The following CEP85L variants were observed in gnomAD, a reference collection of about 807,000 sequenced individuals.
CEP85L encodes centrosomal protein 85L.
CEP85L carries 60 observed loss-of-function variants against 100.3 expected under a neutral mutation model. That is an observed-to-expected ratio of 0.60 (90% confidence interval 0.49 to 0.74). The LOEUF is 0.74. CEP85L is among the 30% of genes least tolerant of loss of function. CEP85L has a pLI of 0.00. For synonymous variants in CEP85L, 319 were observed against 322.7 expected, an observed-to-expected ratio of 0.99 and a Z score of 0.12; for missense variants, 973 against 936.2, an observed-to-expected ratio of 1.04 and a Z score of -0.51.
intron 12 of CEP85L, 36 bp downstream of exon 12, chr6:118,469,036 T>A (rs767819980): frequency 6.9e-7 from 1 of 1,447,124 alleles, no homozygotes; most frequent in East Asian, 2.3e-5. Context: ...AGGTTTCTAA[T>A]TGCCACAAAA....
chr6:118,628,870 GCAA>G (rs1773970829), intron 2 of CEP85L, among the ~76,000 whole-genome samples: 1 of 152,122 alleles, frequency 6.6e-6, no homozygotes, highest in Non-Finnish European at 1.5e-5. Context: ...ATCCGTGAAA[GCAA>G]CAACTGATAA....
At chr6:118,491,129 T>C (rs1362649269) in intron 6 of CEP85L, among the ~76,000 whole-genome samples, 1 of 151,786 alleles carries the variant, frequency 6.6e-6, no homozygotes, top group Non-Finnish European at 1.5e-5. Context: ...TTTCCATAGT[T>C]GTTGTACTCG....
Position 118,565,735 on chromosome 6 carries a change from A to C in CEP85L, c.814T>G (p.Phe272Val). 1 of 1,614,158 alleles carries C rather than the reference A, an allele frequency of 6.2e-7. No homozygotes were observed. Among genetic ancestry groups the C allele is most frequent in the Non-Finnish European group, 8.5e-7 (1 of 1,180,028 alleles). ...AGCATTAAATATTTTGGAGGTTCAA[A>C]AGCCTCTGAGCTTGTCATAATGGGC... is the stretch of plus-strand genomic sequence containing the variant. ...SKPIMTSSEA[F>V]EPPKYLMLGQ... Residue 272 changes from phenylalanine (F) to valine (V), a missense_variant, in exon 3 of 13, where the codon TTT becomes GTT. Around this residue, in one of 3 missense-constraint regions of CEP85L, gnomAD observed 890 missense variants for 844.5 expected, o/e 1.05. Coordinates refer to ENST00000368491, the MANE Select transcript of CEP85L (RefSeq NM_001042475.3).
chr6:118,542,582 C>T (rs1777955065), intron 3 of CEP85L, among the ~76,000 whole-genome samples: 1 of 116,900 alleles, frequency 8.6e-6, no homozygotes, highest in African/African-American at 3.0e-5. Context: ...AACTACAGTA[C>T]AGAAAGATTC....
intron 2 of CEP85L, among the ~76,000 whole-genome samples, chr6:118,587,969 A>C (rs1427300386): frequency 6.6e-6 from 1 of 152,228 alleles, no homozygotes; most frequent in Non-Finnish European, 1.5e-5. Flanking sequence ...GAACAGGGCT[A>C]CATTTTCTTT....
intron 3 of CEP85L, among the ~76,000 whole-genome samples, chr6:118,525,225 T>A (rs1776897339): frequency 6.6e-6 from 1 of 152,162 alleles, no homozygotes; most frequent in South Asian, 2.1e-4. Context: ...TTGCTTAGAA[T>A]GTAAGAAAGG....
intron 2 of CEP85L, among the ~76,000 whole-genome samples, chr6:118,629,945 C>T (rs1219999793): frequency 6.6e-6 from 1 of 152,180 alleles, no homozygotes; most frequent in Non-Finnish European, 1.5e-5. Context: ...TCTAAACACA[C>T]CCCCTCCTGT....
chr6:118,657,415 C>G (rs1020356401), upstream of CEP85L, among the ~76,000 whole-genome samples: 1 of 152,100 alleles, frequency 6.6e-6, no homozygotes, highest in Non-Finnish European at 1.5e-5. Context: ...GTCAGGAGTT[C>G]CAGATCAGCA....
chr6:118,538,230 A>G (rs1234210356), intron 3 of CEP85L, among the ~76,000 whole-genome samples: 2 of 152,034 alleles, frequency 1.3e-5, no homozygotes, highest in African/African-American at 4.8e-5. Flanking sequence ...AGTTTATATT[A>G]TAGAAGAAAC....
In CEP85L at chr6:118,491,890, T is replaced by G. The variant is rs1562195068; in HGVS notation, c.1258-25A>C. On this transcript the variant is annotated intron_variant, in intron 5 of 12. Coordinates refer to ENST00000368491, the MANE Select transcript of CEP85L (RefSeq NM_001042475.3). ...GCTGTTAGGAAAGAAAAAAAGGAGG[T>G]AAGACTTTAAAAGTTTGTCTTGAAC... is the stretch of plus-strand genomic sequence containing the variant. 7 of 1,551,494 alleles carry G rather than the reference T, an allele frequency of 4.5e-6. No homozygotes were observed. In the South Asian group the frequency reaches 4.9e-5, roughly 11 times the overall value.
intron 2 of CEP85L, among the ~76,000 whole-genome samples, chr6:118,596,555 G>T (rs1445595341): frequency 2.6e-5 from 4 of 151,982 alleles, no homozygotes; most frequent in Admixed American, 2.0e-4. Flanking sequence ...ACACTAATTG[G>T]AACCAAGCGT....
intron 2 of CEP85L, among the ~76,000 whole-genome samples, chr6:118,616,346 T>C (rs1360971917): frequency 6.6e-6 from 1 of 151,068 alleles, no homozygotes; most frequent in East Asian, 2.0e-4. Context: ...GACAACATAA[T>C]AGGACCCTGT....
At chr6:118,480,316 A>T in intron 9 of CEP85L, 80 bp downstream of exon 9, 1 of 672,360 alleles carries the variant, frequency 1.5e-6, no homozygotes, top group Non-Finnish European at 2.5e-6. Flanking sequence ...AATCACATAA[A>T]ATAGCTATAA....
intron 2 of CEP85L, among the ~76,000 whole-genome samples, chr6:118,629,872 CT>C (rs1774029271): frequency 6.6e-6 from 1 of 152,206 alleles, no homozygotes; most frequent in South Asian, 2.1e-4. Context: ...TTTCTAATCA[CT>C]GGATTTTCTC....
chr6:118,621,622 T>C (rs1459546999), intron 2 of CEP85L, among the ~76,000 whole-genome samples: 3 of 152,292 alleles, frequency 2.0e-5, no homozygotes, highest in South Asian at 2.1e-4. Context: ...TCTAGATCTC[T>C]TGAATTTTCT....
chr6:118,625,520 C>T (rs574822311), intron 2 of CEP85L, among the ~76,000 whole-genome samples: 1 of 152,290 alleles, frequency 6.6e-6, no homozygotes, highest in South Asian at 2.1e-4. Flanking sequence ...GTTGCCAATT[C>T]CCTGATGACC....
intron 4 of CEP85L, among the ~76,000 whole-genome samples, chr6:118,513,297 G>A (rs552196772): frequency 1.3e-5 from 2 of 152,170 alleles, no homozygotes; most frequent in African/African-American, 4.8e-5. Flanking sequence ...AAATATTTGT[G>A]TATAACAGGC....
rs112878584 is a variant in CEP85L at position 118,691,739 on chromosome 6, C to CAA, written c.-28+18295_-28+18296dup. On this transcript the variant is annotated intron_variant, in intron 1 of 13. Transcript: ENST00000368488. Reference sequence around the variant, plus strand: ...GGGCAACAAGAGCAAAACTCCATCTCAAAAAAAAAAAAAATGACAAAAGAC... The same window carrying CAA: ...GGGCAACAAGAGCAAAACTCCATCTCAAAAAAAAAAAAAAAATGACAAAAGAC... Among the ~76,000 whole-genome samples, 413 of 134,628 alleles carry CAA rather than the reference C, an allele frequency of 3.1e-3. 2 individuals carry two copies. Among genetic ancestry groups the CAA allele is most frequent in the African/African-American group, 7.7e-3 (282 of 36,436 alleles). 88.3% of individuals were successfully genotyped at this position (134,628 alleles called of 152,430 possible).
intron 2 of CEP85L, among the ~76,000 whole-genome samples, chr6:118,589,844 T>G (rs1583119434): frequency 6.6e-6 from 1 of 152,362 alleles, no homozygotes; most frequent in East Asian, 1.9e-4. Flanking sequence ...TCTTACAGTG[T>G]GCCATCCTGT....
Sources: allele counts gnomAD v4.1 joint callset (sites outside exome capture counted in the v4.1 genomes callset), GRCh38; gene constraint gnomAD v4.1.1; regional missense constraint gnomAD v4.1.1; transcripts MANE v1.5; gene names NCBI Gene and HGNC (gene_info 2026-07-23, HGNC 2026-07-21).